The following CCDC63 variants were observed in gnomAD, a reference collection of about 807,000 sequenced individuals.
The protein encoded by CCDC63 is coiled-coil domain-containing protein 63.
A neutral mutation model predicts 63.6 loss-of-function variants in CCDC63; 54 were observed. The ratio of observed to expected loss-of-function variants is 0.85; its 90% CI spans 0.68 to 1.07. CCDC63 has a LOEUF of 1.07. Among genes scored for constraint, CCDC63 ranks in the 50% least tolerant of loss-of-function variants. The probability of loss-of-function intolerance (pLI) is 0.00; values close to 1 mark genes in which losing one functional copy is unlikely to be tolerated. For missense variants in CCDC63, 637 were observed against 689.6 expected, an observed-to-expected ratio of 0.92 and a Z score of 0.86; for synonymous variants, 253 against 266.1, an observed-to-expected ratio of 0.95 and a Z score of 0.48.
chr12:110,890,082 C>T (rs2071337326), intron 8 of CCDC63, among the ~76,000 whole-genome samples: 1 of 152,044 alleles, frequency 6.6e-6, no homozygotes, highest in Non-Finnish European at 1.5e-5. Context: ...CACTTGAGCC[C>T]AGGAGTTTGA....
intron 8 of CCDC63, among the ~76,000 whole-genome samples, chr12:110,885,258 T>C (rs2071264845): frequency 6.6e-6 from 1 of 152,102 alleles, no homozygotes; most frequent in Non-Finnish European, 1.5e-5. Context: ...GCCCCTTACC[T>C]GACCCTTGTT....
intron 5 of CCDC63, among the ~76,000 whole-genome samples, chr12:110,876,036 G>T (rs1031763333): frequency 6.6e-6 from 1 of 151,656 alleles, no homozygotes; most frequent in Non-Finnish European, 1.5e-5. Context: ...AATCTAGGAG[G>T]CGGAGTTTGC....
At position 110,878,879 on chromosome 12, in the gene CCDC63, C is replaced by A. The variant is rs116118175; in HGVS notation, c.490-1027C>A. On this transcript the variant is annotated intron_variant, in intron 5 of 11. Transcript: ENST00000308208. ...ATGAACAGTGTAACCAATCACATCGCCTTTAAAAAACAACTTTTAAAAAAG... is the reference window on the plus strand; with the variant it reads ...ATGAACAGTGTAACCAATCACATCGACTTTAAAAAACAACTTTTAAAAAAG... Among the ~76,000 whole-genome samples, 847 of 152,116 alleles carry A rather than the reference C, an allele frequency of 5.6e-3. 4 individuals are homozygous for A. The highest frequency in any genetic ancestry group is 0.019 in the African/African-American group (808 of 41,502).
chr12:110,853,102 A>G, intron 2 of CCDC63, 139 bp downstream of exon 2: 4 of 959,600 alleles, frequency 4.2e-6, no homozygotes, highest in Non-Finnish European at 6.5e-6. Context: ...CTGGAGGCTC[A>G]GAGACATCCA....
At chr12:110,866,274 G>A (rs1480147450) in intron 4 of CCDC63, among the ~76,000 whole-genome samples, 1 of 149,294 alleles carries the variant, frequency 6.7e-6, no homozygotes, top group African/African-American at 2.5e-5. Flanking sequence ...AACTTTTTAT[G>A]AGAAAAAGAT....
rs1188371907 is a variant in CCDC63 at position 110,858,685 on chromosome 12, C to A, written c.279C>A (p.Tyr93Ter). 1.1e-5 allele frequency: 18 copies of A among 1,613,908 alleles called. No homozygotes were observed. Among genetic ancestry groups the A allele is most frequent in the Non-Finnish European group, 1.5e-5 (18 of 1,179,944 alleles). The change falls in exon 4 of 12, where the codon TAC (tyrosine) becomes TAA (stop). Residue 93 changes from tyrosine to a stop codon, truncating the protein, a stop_gained. Transcript: ENST00000308208. LOFTEE classifies it high-confidence loss of function. ...SRNMNRSEKN[Y>*]MELRLLLQTK... ...ACATGAATCGGAGTGAGAAGAACTACATGGAGCTGCGACTCCTGCTCCAAA... is the reference window on the plus strand; with the variant it reads ...ACATGAATCGGAGTGAGAAGAACTAAATGGAGCTGCGACTCCTGCTCCAAA...
At position 110,893,067 on chromosome 12, in the gene CCDC63, C is replaced by T. The variant is rs759743209; in HGVS notation, c.1075-9C>T. On this transcript the variant is annotated splice_polypyrimidine_tract_variant and intron_variant, in intron 8 of 11. Coordinates refer to ENST00000308208, the MANE Select transcript of CCDC63 (RefSeq NM_152591.3). The stretch of plus-strand genomic sequence containing the variant: ...ACTTTTCCTCATGGTCTTGTTCTCT[C>T]CCGAGCAGGACGAGATCATCCTCTT... 1 of 1,613,538 alleles carries T rather than the reference C, an allele frequency of 6.2e-7. No individual in the cohort carries two copies. Among genetic ancestry groups the T allele is most frequent in the Non-Finnish European group, 8.5e-7 (1 of 1,179,598 alleles).
intron 4 of CCDC63, among the ~76,000 whole-genome samples, chr12:110,870,002 C>T (rs1208296157): frequency 1.3e-5 from 2 of 152,190 alleles, no homozygotes; most frequent in Non-Finnish European, 2.9e-5. Flanking sequence ...CCAATGTAAA[C>T]ATTGTACATT....
intron 8 of CCDC63, among the ~76,000 whole-genome samples, chr12:110,887,757 C>A (rs1204896300): frequency 6.6e-6 from 1 of 151,946 alleles, no homozygotes; most frequent in South Asian, 2.1e-4. Flanking sequence ...CGCCACCACG[C>A]CCAGCTAATT....
At chr12:110,892,276 C>T (rs776994368) in intron 8 of CCDC63, among the ~76,000 whole-genome samples, 8 of 152,080 alleles carry the variant, frequency 5.3e-5, no homozygotes, top group Non-Finnish European at 1.2e-4. Flanking sequence ...AAAATTAGTT[C>T]ATCAGAGGTT....
chr12:110,887,231 G>A (rs1206115670), intron 8 of CCDC63, among the ~76,000 whole-genome samples: 3 of 151,856 alleles, frequency 2.0e-5, no homozygotes, highest in South Asian at 2.1e-4. Context: ...GGGTTCAAGC[G>A]ATTCTCCTGC....
At chr12:110,851,616 C>T (rs1042137414) in intron 1 of CCDC63, among the ~76,000 whole-genome samples, 1 of 152,136 alleles carries the variant, frequency 6.6e-6, no homozygotes, top group African/African-American at 2.4e-5. Flanking sequence ...GGTCAGCCCC[C>T]AGGAGTGCAG....
chr12:110,893,218 TTCTG>T (rs1347369933), intron 9 of CCDC63, 68 bp downstream of exon 9: 36 of 1,331,210 alleles, frequency 2.7e-5, no homozygotes, highest in Non-Finnish European at 3.9e-5. Flanking sequence ...TGACGGGAGC[TTCTG>T]TCTGTCTGTC....
At chr12:110,870,550 A>G (rs1386469988) in intron 4 of CCDC63, among the ~76,000 whole-genome samples, 2 of 152,170 alleles carry the variant, frequency 1.3e-5, no homozygotes, top group African/African-American at 2.4e-5. Context: ...TGTGGCAGCC[A>G]TGCCTTTCCC....
At chr12:110,869,768 C>T (rs2071039881) in intron 4 of CCDC63, among the ~76,000 whole-genome samples, 1 of 152,062 alleles carries the variant, frequency 6.6e-6, no homozygotes, top group Non-Finnish European at 1.5e-5. Context: ...GTGTAGATTT[C>T]ACTTATTTGA....
chr12:110,876,525 G>A (rs2071132338), intron 5 of CCDC63, among the ~76,000 whole-genome samples: 1 of 152,102 alleles, frequency 6.6e-6, no homozygotes, highest in Non-Finnish European at 1.5e-5. Context: ...ACCTGAGAGT[G>A]AGTGCCTCCT....
intron 4 of CCDC63, among the ~76,000 whole-genome samples, chr12:110,860,111 A>G (rs2070833735): frequency 6.6e-6 from 1 of 152,200 alleles, no homozygotes; most frequent in African/African-American, 2.4e-5. Flanking sequence ...GAGCATGAGT[A>G]GGGACATTGA....
intron 4 of CCDC63, among the ~76,000 whole-genome samples, chr12:110,866,853 G>C (rs1167085773): frequency 6.7e-6 from 1 of 149,318 alleles, no homozygotes; most frequent in African/African-American, 2.5e-5. Context: ...CAGACGGGGT[G>C]GTGGCCGGGC....
chr12:110,865,464 C>CA (rs10585238), intron 4 of CCDC63, among the ~76,000 whole-genome samples: 7,045 of 102,208 alleles, frequency 0.069, 300 homozygotes, highest in African/African-American at 0.13. Context: ...CAGCATATAC[C>CA]AAAAAAAAAA....
Sources: allele counts gnomAD v4.1 joint callset (sites outside exome capture counted in the v4.1 genomes callset), GRCh38; gene constraint gnomAD v4.1.1; transcripts MANE v1.5; gene names NCBI Gene and HGNC (gene_info 2026-07-23, HGNC 2026-07-21).